RBPJ: variants seen among roughly 807,000 people sequenced by gnomAD.
RBPJ encodes recombination signal binding protein for immunoglobulin kappa J region.
A neutral mutation model predicts 67.8 loss-of-function variants in RBPJ; 9 were observed. That is an observed-to-expected ratio of 0.13 (90% confidence interval 0.08 to 0.23). RBPJ has a LOEUF of 0.23. Among genes scored for constraint, RBPJ ranks in the 10% least tolerant of loss-of-function variants. RBPJ has a pLI of 1.00. For synonymous variants in RBPJ, 198 were observed against 203.3 expected, an observed-to-expected ratio of 0.97 and a Z score of 0.22; for missense variants, 305 against 595.6, an observed-to-expected ratio of 0.51 and a Z score of 5.08.
the RBPJ span, chr4:26,113,415 C>T: frequency 5.5e-6 from 3 of 542,712 alleles, 1 homozygote; most frequent in South Asian, 5.5e-5. Flanking sequence ...TATGAATGTA[C>T]TGAATGGGGA....
At chr4:26,270,804 C>A (rs566245175) in intron 1 of RBPJ, among the ~76,000 whole-genome samples, 3 of 152,090 alleles carry the variant, frequency 2.0e-5, no homozygotes, top group African/African-American at 7.2e-5. Flanking sequence ...TGACAAGAGA[C>A]AAGATATACA....
chr4:26,213,564 C>T (rs1278309123), intron 1 of RBPJ, among the ~76,000 whole-genome samples: 1 of 152,094 alleles, frequency 6.6e-6, no homozygotes, highest in Non-Finnish European at 1.5e-5. Flanking sequence ...ACACAGGAGT[C>T]ATGGGAGAGA....
chr4:26,109,577 CTCTA>C, the RBPJ span, among the ~76,000 whole-genome samples: 663 of 49,520 alleles, frequency 0.013, 67 homozygotes, highest in Non-Finnish European at 0.024. Flanking sequence ...CTCTCTCTCT[CTCTA>C]TATATATATA....
At chr4:26,372,801 G>A (rs1001216624) in intron 1 of RBPJ, among the ~76,000 whole-genome samples, 7 of 152,156 alleles carry the variant, frequency 4.6e-5, no homozygotes, top group African/African-American at 1.4e-4. Context: ...ATTACCCAAG[G>A]CAAAGCAGCT....
intron 1 of RBPJ, among the ~76,000 whole-genome samples, chr4:26,197,541 C>T (rs144545161): frequency 1.9e-3 from 295 of 152,312 alleles, no homozygotes; most frequent in Middle Eastern, 3.4e-3. Context: ...TAATAGCCAT[C>T]TCGTTTGATC....
rs540837259 is a variant in RBPJ at position 26,392,134 on chromosome 4, A to G, written c.59+5743A>G. ...CACATACACTTTTTAGCAGTTAGAT[A>G]CTATTAATACTGTATACCTGTTAAA... On this transcript the variant is annotated intron_variant, in intron 2 of 10. Coordinates refer to ENST00000355476, the MANE Select transcript of RBPJ (RefSeq NM_015874.6). Among the ~76,000 whole-genome samples, 137 of 152,332 alleles carry G rather than the reference A, an allele frequency of 9.0e-4. 1 individual carries two copies. The highest frequency in any genetic ancestry group is 3.1e-3 in the African/African-American group (127 of 41,588).
intron 1 of RBPJ, among the ~76,000 whole-genome samples, chr4:26,295,273 T>TGTGTGTGTGG (rs1553858427): frequency 2.0e-5 from 3 of 149,198 alleles, no homozygotes; most frequent in African/African-American, 2.5e-5. Context: ...TGTGTGTGGG[T>TGTGTGTGTGG]GTGTGTGTGT....
At chr4:26,227,758 T>A (rs1233736218) in intron 1 of RBPJ, among the ~76,000 whole-genome samples, 2 of 152,248 alleles carry the variant, frequency 1.3e-5, no homozygotes, top group Non-Finnish European at 2.9e-5. Flanking sequence ...GAGCAGACTT[T>A]GCTTGAGTCG....
chr4:26,162,160 A>T (rs1397290003), upstream of RBPJ, among the ~76,000 whole-genome samples: 1 of 152,186 alleles, frequency 6.6e-6, no homozygotes, highest in African/African-American at 2.4e-5. Flanking sequence ...GTGAAGTGGG[A>T]TGGGGGACAC....
At chr4:26,191,580 G>A (rs1717550702) in intron 1 of RBPJ, among the ~76,000 whole-genome samples, 1 of 152,152 alleles carries the variant, frequency 6.6e-6, no homozygotes, top group South Asian at 2.1e-4. Flanking sequence ...AGTGCAGGGA[G>A]CAAAGTCCAG....
chr4:26,281,092 A>G (rs1031321466), intron 1 of RBPJ, among the ~76,000 whole-genome samples: 3 of 152,182 alleles, frequency 2.0e-5, no homozygotes, highest in Middle Eastern at 3.2e-3. Context: ...GAGTTGTCTT[A>G]ATTTTACCAT....
intron 1 of RBPJ, among the ~76,000 whole-genome samples, chr4:26,223,622 A>G (rs1343026777): frequency 6.6e-6 from 1 of 152,248 alleles, no homozygotes; most frequent in Non-Finnish European, 1.5e-5. Context: ...GTGCTGGAAG[A>G]TAGCTGGGCT....
intron 1 of RBPJ, among the ~76,000 whole-genome samples, chr4:26,210,720 T>TTTCC (rs55831777): frequency 0.29 from 19,855 of 68,364 alleles, 4,915 homozygotes; most frequent in East Asian, 0.46. Flanking sequence ...TCTTTCCTTC[T>TTTCC]TTCTTTCCTT....
intron 2 of RBPJ, among the ~76,000 whole-genome samples, chr4:26,388,152 A>G (rs972984840): frequency 1.8e-4 from 28 of 152,112 alleles, no homozygotes; most frequent in Non-Finnish European, 3.8e-4. Flanking sequence ...AGAACATTAA[A>G]ACAGTAAATT....
intron 2 of RBPJ, 146 bp downstream of exon 2, chr4:26,386,537 C>G: frequency 1.8e-6 from 1 of 550,624 alleles, no homozygotes; most frequent in South Asian, 3.2e-5. Context: ...CTTCCTTTCC[C>G]TCATCTCTCC....
intron 1 of RBPJ, among the ~76,000 whole-genome samples, chr4:26,298,209 T>A (rs1288418245): frequency 6.6e-6 from 1 of 152,208 alleles, no homozygotes; most frequent in South Asian, 2.1e-4. Flanking sequence ...CTTCTCTCAT[T>A]TTCTATTCAA....
intron 4 of RBPJ, among the ~76,000 whole-genome samples, chr4:26,416,638 A>G (rs577332213): frequency 2.6e-5 from 4 of 152,336 alleles, no homozygotes; most frequent in South Asian, 4.1e-4. Flanking sequence ...TCTGATCTCA[A>G]TGACTAAACA....
intron 1 of RBPJ, among the ~76,000 whole-genome samples, chr4:26,365,099 A>G (rs1728491625): frequency 6.6e-6 from 1 of 150,836 alleles, no homozygotes; most frequent in African/African-American, 2.4e-5. Context: ...TATGATTTAT[A>G]TATAGATAAT....
At chr4:26,159,905 T>TTC (rs35911476), upstream of RBPJ, among the ~76,000 whole-genome samples, 68,634 of 146,886 alleles carry the variant, frequency 0.47, 16,042 homozygotes, top group Non-Finnish European at 0.5. Flanking sequence ...GCAAGAAGCT[T>TTC]TCTCTCTCTC....
Sources: gnomAD v4.1 joint callset for allele counts (sites outside exome capture counted in the v4.1 genomes callset) on GRCh38, gnomAD v4.1.1 for gene constraint, MANE v1.5 for transcripts, NCBI Gene and HGNC (gene_info 2026-07-23, HGNC 2026-07-21) for gene names.